The following AFF2 variants were observed in gnomAD, a reference collection of about 807,000 sequenced individuals.
AFF2 encodes ALF transcription elongation factor 2, also known as AF4/FMR2 family member 2.
Under a neutral mutation model 76.9 loss-of-function variants are expected in AFF2, and 14 were observed. The ratio of observed to expected loss-of-function variants is 0.18; its 90% CI spans 0.12 to 0.28. The LOEUF (loss-of-function observed/expected upper bound fraction) is 0.28. AFF2 is among the 10% of genes least tolerant of loss of function. The pLI is 1.00. For synonymous variants in AFF2, 398 were observed against 366.7 expected (o/e 1.09, Z -0.98); for missense variants, 868 against 1,001.1 (o/e 0.87, Z 1.79).
intron 1 of AFF2, among the ~76,000 whole-genome samples, chrX:148,638,825 G>A (rs782744627): frequency 9.8e-5 from 11 of 111,676 alleles, no homozygotes; most frequent in South Asian, 7.7e-4. Context: ...TACCTCGTGA[G>A]ATTTGGTGCT....
chrX:148,861,967 T>C (rs1369910636), intron 7 of AFF2, among the ~76,000 whole-genome samples: 1 of 110,706 alleles, frequency 9.0e-6, no homozygotes, highest in Non-Finnish European at 1.9e-5. Context: ...TTGTCTGTTT[T>C]TTTTTCCCCC....
intron 3 of AFF2, among the ~76,000 whole-genome samples, chrX:148,778,099 A>G (rs1337994073): frequency 8.9e-6 from 1 of 111,819 alleles, no homozygotes; most frequent in African/African-American, 3.3e-5. Flanking sequence ...TTCTGCATCT[A>G]TGGAGATAAC....
At chrX:148,697,254 A>G (rs2054732012) in intron 3 of AFF2, among the ~76,000 whole-genome samples, 1 of 112,409 alleles carries the variant, frequency 8.9e-6, no homozygotes, top group African/African-American at 3.2e-5. Flanking sequence ...AAGATTTACA[A>G]TTTTATGGAT....
intron 4 of AFF2, chrX:148,822,139 C>G (rs2070335594): frequency 8.9e-6 from 1 of 111,776 alleles, no homozygotes; most frequent in African/African-American, 3.3e-5. Context: ...CATTTGTGTG[C>G]TTTTTCCATT....
chrX:148,830,323 C>A (rs1408465176), intron 4 of AFF2, among the ~76,000 whole-genome samples: 1 of 112,303 alleles, frequency 8.9e-6, no homozygotes, highest in East Asian at 2.8e-4. Flanking sequence ...GCACAGCAGC[C>A]TGGCTACATT....
chrX:148,670,920 G>A (rs782112458), intron 3 of AFF2, among the ~76,000 whole-genome samples: 2 of 111,825 alleles, frequency 1.8e-5, no homozygotes, highest in Non-Finnish European at 3.8e-5. Context: ...GTCAAACCCA[G>A]AGATAGCTCT....
chrX:148,503,881 C>A (rs1157453445), intron 1 of AFF2, among the ~76,000 whole-genome samples: 1 of 111,508 alleles, frequency 9.0e-6, no homozygotes, highest in African/African-American at 3.3e-5. Context: ...ATTAAAGGGC[C>A]AAAGCTCAAG....
At chrX:148,674,437 C>A (rs1488539610) in intron 3 of AFF2, among the ~76,000 whole-genome samples, 5 of 111,340 alleles carry the variant, frequency 4.5e-5, no homozygotes, top group African/African-American at 1.6e-4. Context: ...TTGTACAGAG[C>A]AAAATCCTAG....
chrX:148,503,481 C>T (rs181751556), intron 1 of AFF2, among the ~76,000 whole-genome samples: 45 of 111,988 alleles, frequency 4.0e-4, no homozygotes, highest in African/African-American at 1.4e-3. Flanking sequence ...GCAAAGTTAA[C>T]GATCTTATTT....
intron 15 of AFF2, among the ~76,000 whole-genome samples, chrX:148,972,019 C>T (rs1477721725): frequency 7.9e-5 from 1 of 12,623 alleles, no homozygotes; most frequent in Non-Finnish European, 1.4e-4. Context: ...TGAGAATATG[C>T]GGTGTTTGGT....
chrX:148,894,896 G>GAT (rs1160152462), intron 8 of AFF2, among the ~76,000 whole-genome samples: 377 of 107,958 alleles, frequency 3.5e-3, no homozygotes, highest in South Asian at 6.6e-3. Context: ...GAGATAGATA[G>GAT]ATATATATAT....
chrX:148,611,135 G>T (rs782363091), intron 1 of AFF2, among the ~76,000 whole-genome samples: 12 of 112,066 alleles, frequency 1.1e-4, no homozygotes, highest in Non-Finnish European at 1.5e-4. Context: ...AGTTGGGCTA[G>T]ATTTTCACTT....
At chrX:148,817,111 T>TA (rs1557272210) in intron 4 of AFF2, among the ~76,000 whole-genome samples, 1 of 110,923 alleles carries the variant, frequency 9.0e-6, no homozygotes, top group East Asian at 2.8e-4. Flanking sequence ...AGATGCTATT[T>TA]AAAAAATAGA....
At chrX:148,624,770 A>G (rs188193279) in intron 1 of AFF2, among the ~76,000 whole-genome samples, 179 of 112,106 alleles carry the variant, frequency 1.6e-3, no homozygotes, top group African/African-American at 5.5e-3. Flanking sequence ...TTTCTGTCAC[A>G]TGTCCAATTT....
At position 148,992,421 on chromosome X, in the gene AFF2, A is replaced by G. The variant is rs1569558101; in HGVS notation, c.*1089A>G. On this transcript the variant is annotated 3_prime_UTR_variant, in exon 21 of 21. Coordinates refer to ENST00000370460, the MANE Select transcript of AFF2 (RefSeq NM_002025.4). The stretch of plus-strand genomic sequence containing the variant: ...ATCTGGACTTCCTCAATTATTATTC[A>G]CATTTTCTCTCTTATAGGTTTTCTG... The G allele has an allele frequency of 9.0e-6, 1 of 111,682 alleles. No homozygotes were observed. The highest frequency in any genetic ancestry group is 1.9e-5 in the Non-Finnish European group (1 of 53,053). 9.2% of individuals were successfully genotyped at this position (111,682 alleles called of 1,213,427 possible). A position where few individuals can be genotyped will look rare whatever the true frequency, so the allele number is the denominator to read the frequency against.
intron 7 of AFF2, among the ~76,000 whole-genome samples, chrX:148,876,601 A>G (rs1557277917): frequency 8.9e-6 from 1 of 112,045 alleles, no homozygotes; most frequent in Non-Finnish European, 1.9e-5. Flanking sequence ...AAATGTGGAC[A>G]GCACATTCAC....
At chrX:148,849,360 CTCTCCT>C (rs370259904) in intron 7 of AFF2, among the ~76,000 whole-genome samples, 11 of 26,718 alleles carry the variant, frequency 4.1e-4, no homozygotes, top group African/African-American at 2.6e-3. Flanking sequence ...ATGTCTCTCT[CTCTCCT>C]CCCCCCCCCC....
At chrX:148,746,637 A>G (rs1471143422) in intron 3 of AFF2, among the ~76,000 whole-genome samples, 4 of 112,783 alleles carry the variant, frequency 3.5e-5, no homozygotes, top group Non-Finnish European at 7.5e-5. Flanking sequence ...ACATTTTGTC[A>G]ATTCTCCCAT....
chrX:148,842,989 A>T lies in AFF2; in HGVS notation c.1197A>T (p.Gly399=), dbSNP rs1557274397. The stretch of plus-strand genomic sequence containing the variant: ...AGGAATCGCAGCATCTGACCCCAGG[A>T]TTCACCTTACAAAGTAAGTGGTTTT... ...PGQESQHLTP[G]FTLQKWNDPT... Residue 399 remains glycine (G), a synonymous_variant, in exon 6 of 21, where the codon GGA becomes GGT. Transcript: ENST00000370460. The T allele has an allele frequency of 1.7e-6, 2 of 1,205,138 alleles. No homozygotes were observed. The highest frequency in any genetic ancestry group is 2.2e-5 in the Admixed American group (1 of 45,457).
Sources: gnomAD v4.1 joint callset for allele counts (sites outside exome capture counted in the v4.1 genomes callset) on GRCh38, gnomAD v4.1.1 for gene constraint, MANE v1.5 for transcripts, NCBI Gene and HGNC (gene_info 2026-07-23, HGNC 2026-07-21) for gene names.